Variants in CPXM2 observed in about 807,000 individuals in gnomAD.
CPXM2 encodes carboxypeptidase X, M14 family member 2, also known as inactive carboxypeptidase-like protein X2.
Under a neutral mutation model 86.1 loss-of-function variants are expected in CPXM2, and 66 were observed. The observed-to-expected ratio is 0.77, with a 90% CI of 0.63 to 0.94. CPXM2 has a LOEUF of 0.94. CPXM2 is among the 40% of genes least tolerant of loss of function. CPXM2 has a pLI of 0.00. For synonymous variants in CPXM2, 388 were observed against 400.2 expected (o/e 0.97, Z 0.36); for missense variants, 948 against 1,026.3 (o/e 0.92, Z 1.04).
chr10:123,855,371 A>C (rs1848698227), intron 3 of CPXM2, among the ~76,000 whole-genome samples: 1 of 152,238 alleles, frequency 6.6e-6, no homozygotes, highest in South Asian at 2.1e-4. Flanking sequence ...AAACAAAAAC[A>C]AACAAAACAG....
chr10:123,797,985 G>A lies in CPXM2; in HGVS notation c.880C>T (p.Pro294Ser). 6 of 1,601,094 alleles carry A rather than the reference G, an allele frequency of 3.7e-6. No homozygotes were observed. The highest frequency in any genetic ancestry group is 5.1e-6 in the Non-Finnish European group (6 of 1,173,728). Residue 294 changes from proline to serine, a missense_variant, in exon 6 of 14, where the codon CCA (proline) becomes TCA (serine). Pro to Ser is a moderately conservative substitution (Grantham distance 74). Coordinates refer to ENST00000241305, the MANE Select transcript of CPXM2 (RefSeq NM_198148.3). ...AGGAGGGTGAACTCACCTGGCAGTGGGCAGCCCAGGATCTCCATTCTCATG... is the reference window on the plus strand; with the variant it reads ...AGGAGGGTGAACTCACCTGGCAGTGAGCAGCCCAGGATCTCCATTCTCATG... ...ICMRMEILGC[P>S]LPDPNNYYHR...
rs76402816 is a variant in CPXM2 at position 123,827,373 on chromosome 10, G to C, written c.653+14976C>G. On this transcript the variant is annotated intron_variant, in intron 4 of 13. Transcript: ENST00000241305. ...AACCAACAAAGATTGCCCACCAAAA[G>C]TAAACCTTTACCATACTGTCATGTG... is the stretch of plus-strand genomic sequence containing the variant. Among the ~76,000 whole-genome samples the C allele has an allele frequency of 8.5e-3, 1,287 of 152,188 alleles. 18 individuals carry two copies. Among genetic ancestry groups the C allele is most frequent in the African/African-American group, 0.029 (1,217 of 41,528 alleles).
At chr10:123,750,371 G>T (rs1338209502) in intron 13 of CPXM2, 21 of 970,678 alleles carry the variant, frequency 2.2e-5, no homozygotes, top group Non-Finnish European at 2.4e-5. Flanking sequence ...CCTCTCTCCA[G>T]CCACACAAGT....
chr10:123,841,317 G>A (rs545516748), intron 4 of CPXM2, among the ~76,000 whole-genome samples: 2 of 152,276 alleles, frequency 1.3e-5, no homozygotes, highest in Middle Eastern at 3.4e-3. Flanking sequence ...CGCCGCGGTC[G>A]ACAGGGTGAT....
At chr10:123,923,444 G>A (rs1405007439) in intron 2 of CPXM2, among the ~76,000 whole-genome samples, 2 of 150,896 alleles carry the variant, frequency 1.3e-5, no homozygotes, top group East Asian at 3.9e-4. Flanking sequence ...AGCCGGGCGT[G>A]GTGGCGGGCG....
intron 2 of CPXM2, among the ~76,000 whole-genome samples, chr10:123,926,365 C>T (rs1263816548): frequency 2.6e-5 from 4 of 152,210 alleles, no homozygotes; most frequent in Non-Finnish European, 4.4e-5. Flanking sequence ...CTCCTGGGTT[C>T]CCCCAGTGCC....
At chr10:123,844,238 C>A (rs1049052037) in intron 3 of CPXM2, among the ~76,000 whole-genome samples, 11 of 151,918 alleles carry the variant, frequency 7.2e-5, no homozygotes, top group Admixed American at 1.3e-4. Flanking sequence ...AGAATGCATT[C>A]ATCTCTTTCT....
chr10:123,880,116 T>A, intron 2 of CPXM2, 95 bp downstream of exon 2: 2 of 675,138 alleles, frequency 3.0e-6, no homozygotes, highest in South Asian at 3.6e-5. Flanking sequence ...CTCGGGAATC[T>A]GTAGTCAGGC....
intron 1 of CPXM2, among the ~76,000 whole-genome samples, chr10:123,889,934 T>C (rs1470558433): frequency 2.6e-5 from 4 of 151,962 alleles, no homozygotes; most frequent in African/African-American, 9.7e-5. Flanking sequence ...AAAAAAAAAC[T>C]AGAATGCATG....
chr10:123,882,463 G>C (rs1945108724), intron 1 of CPXM2, among the ~76,000 whole-genome samples: 1 of 152,158 alleles, frequency 6.6e-6, no homozygotes, highest in Non-Finnish European at 1.5e-5. Flanking sequence ...AGGCCTTAGT[G>C]GCTCCACAAA....
intron 1 of CPXM2, among the ~76,000 whole-genome samples, chr10:123,890,136 G>C (rs982748323): frequency 6.6e-6 from 1 of 152,128 alleles, no homozygotes; most frequent in Non-Finnish European, 1.5e-5. Context: ...AGTCACAGTC[G>C]ACATTCTACA....
intron 10 of CPXM2, among the ~76,000 whole-genome samples, chr10:123,765,915 TTTG>T (rs57527930): frequency 1.6e-4 from 24 of 152,146 alleles, no homozygotes; most frequent in African/African-American, 5.1e-4. Context: ...AGTCCGATCT[TTTG>T]TTGTTGTTGT....
In CPXM2 at chr10:123,746,899, T is replaced by G; in HGVS notation, c.2136A>C (p.Thr712=). Residue 712 remains threonine, a synonymous_variant, in exon 14 of 14, where the codon ACA becomes ACC. Transcript: ENST00000241305. Reference sequence around the variant, plus strand: ...TTTTGCTAAGTGTGAAGTCACACCTTGTGGCCCCCATGTCATAGCCAACCA... The same window carrying G: ...TTTTGCTAAGTGTGAAGTCACACCTGGTGGCCCCCATGTCATAGCCAACCA... ...NCMVGYDMGA[T]RCDFTLSKTN... is the part of the protein sequence containing the mutation. The G allele has an allele frequency of 6.2e-7, 1 of 1,614,202 alleles. No homozygotes were observed. Among genetic ancestry groups the G allele is most frequent in the Non-Finnish European group, 8.5e-7 (1 of 1,180,032 alleles).
intron 1 of CPXM2, among the ~76,000 whole-genome samples, chr10:123,880,518 A>C (rs1388561511): frequency 6.6e-6 from 1 of 152,148 alleles, no homozygotes; most frequent in Non-Finnish European, 1.5e-5. Flanking sequence ...CACTCCTAAT[A>C]AAAACAATGT....
intron 1 of CPXM2, among the ~76,000 whole-genome samples, chr10:123,881,728 G>A (rs993475478): frequency 6.6e-6 from 1 of 152,182 alleles, no homozygotes; most frequent in Admixed American, 6.5e-5. Context: ...CTGGGGGCTG[G>A]GTGTCCCTGT....
At position 123,745,930 on chromosome 10, in the gene CPXM2, C is replaced by T. The variant is rs1349624735; in HGVS notation, c.*834G>A. On this transcript the variant is annotated 3_prime_UTR_variant, in exon 14 of 14. Coordinates refer to ENST00000241305, the MANE Select transcript of CPXM2 (RefSeq NM_198148.3). The stretch of plus-strand genomic sequence containing the variant: ...AGAGAGAGGGCTTCAGGCCACCCCA[C>T]TTCTGGCTCTTTCCAGTCCTAGCAG... 1.3e-5 allele frequency: 2 copies of T among 151,984 alleles called. No individual in the cohort carries two copies. The highest frequency in any genetic ancestry group is 2.0e-4 in the East Asian group (1 of 5,114). 9.4% of individuals were successfully genotyped at this position (151,984 alleles called of 1,614,324 possible).
At position 123,746,389 on chromosome 10, in the gene CPXM2, G is replaced by T. The variant is rs1335414469; in HGVS notation, c.*375C>A. On this transcript the variant is annotated 3_prime_UTR_variant, in exon 14 of 14. Coordinates refer to ENST00000241305, the MANE Select transcript of CPXM2 (RefSeq NM_198148.3). ...AATTTTAGCTGTGCAAATTGCAAAT[G>T]CACGTGGAACCCTTGCTGCCACGCA... 4.3e-6 allele frequency: 1 copy of T among 234,342 alleles called. No homozygotes were observed. Among genetic ancestry groups the T allele is most frequent in the East Asian group, 1.1e-4 (1 of 9,334 alleles). 14.5% of individuals were successfully genotyped at this position (234,342 alleles called of 1,614,324 possible).
intron 2 of CPXM2, among the ~76,000 whole-genome samples, chr10:123,897,259 C>T (rs1419622763): frequency 6.6e-6 from 1 of 152,150 alleles, no homozygotes; most frequent in East Asian, 1.9e-4. Flanking sequence ...CACCTCTGCA[C>T]TTCATTTAAT....
intron 2 of CPXM2, among the ~76,000 whole-genome samples, chr10:123,926,499 T>C (rs1427850550): frequency 1.3e-5 from 2 of 152,220 alleles, no homozygotes; most frequent in African/African-American, 2.4e-5. Context: ...TTTCTCCCCT[T>C]CTTTAGAGCT....
Sources: allele counts gnomAD v4.1 joint callset (sites outside exome capture counted in the v4.1 genomes callset), GRCh38; gene constraint gnomAD v4.1.1; transcripts MANE v1.5; gene names NCBI Gene and HGNC (gene_info 2026-07-23, HGNC 2026-07-21).